HNMT: variants seen among roughly 807,000 people sequenced by gnomAD.
The protein encoded by HNMT is histamine N-methyltransferase.
A neutral mutation model predicts 32.1 loss-of-function variants in HNMT; 30 were observed. That is an observed-to-expected ratio of 0.93 (90% CI 0.70 to 1.27). The LOEUF is 1.27. Ranked by LOEUF, HNMT falls within the 50% of genes most tolerant of loss-of-function variation. The probability of loss-of-function intolerance (pLI) is 0.00; values close to 1 mark genes in which losing one functional copy is unlikely to be tolerated. For missense variants in HNMT, 327 were observed against 346.0 expected, an observed-to-expected ratio of 0.95 and a Z score of 0.43; for synonymous variants, 125 against 119.0, an observed-to-expected ratio of 1.05 and a Z score of -0.33.
intron 2 of HNMT, among the ~76,000 whole-genome samples, chr2:137,974,798 A>T (rs1006898844): frequency 6.6e-6 from 1 of 152,170 alleles, no homozygotes; most frequent in African/African-American, 2.4e-5. Context: ...TTATAGATAA[A>T]TTTTTTAACC....
In HNMT at chr2:138,008,105, C is replaced by A. The variant is rs992398402; in HGVS notation, c.523+2880C>A. The stretch of plus-strand genomic sequence containing the variant: ...ATCACCCAGGTATTAAACCCACTAC[C>A]CAATAATAATCTTTTCTGCTCCTCT... On this transcript the variant is annotated intron_variant, in intron 5 of 5. Transcript: ENST00000280097. Among the ~76,000 whole-genome samples the A allele has an allele frequency of 1.3e-4, 20 of 152,000 alleles. No individual in the cohort carries two copies. In the East Asian group the frequency reaches 2.7e-3, roughly 21 times the overall value.
intron 2 of HNMT, among the ~76,000 whole-genome samples, chr2:137,991,450 T>C (rs1680811880): frequency 6.6e-6 from 1 of 152,218 alleles, no homozygotes; most frequent in Non-Finnish European, 1.5e-5. Context: ...TCCTCTGAAA[T>C]GAGGTCTTAT....
intron 2 of HNMT, among the ~76,000 whole-genome samples, chr2:137,976,758 T>G (rs1229940062): frequency 6.6e-6 from 1 of 152,220 alleles, no homozygotes; most frequent in Non-Finnish European, 1.5e-5. Context: ...ATCATTTTAT[T>G]AAAGGCATTT....
At chr2:138,004,444 C>T (rs560459085) in intron 4 of HNMT, among the ~76,000 whole-genome samples, 1 of 152,048 alleles carries the variant, frequency 6.6e-6, no homozygotes, top group African/African-American at 2.4e-5. Context: ...GGGGTGGGGT[C>T]CAAAGATGCA....
At position 138,014,187 on chromosome 2, in the gene HNMT, T is replaced by G; in HGVS notation, c.*57T>G. ...TATTTTGAACAACTCGAATCACTCA[T>G]TTATTTCCATATTAAAATCACAAAC... On this transcript the variant is annotated 3_prime_UTR_variant, in exon 6 of 6. Coordinates refer to ENST00000280097, the MANE Select transcript of HNMT (RefSeq NM_006895.3). The G allele has an allele frequency of 9.0e-7, 1 of 1,105,870 alleles. No individual in the cohort carries two copies. The highest frequency in any genetic ancestry group is 1.3e-6 in the Non-Finnish European group (1 of 767,592). The allele number at this position is 1,105,870 out of a possible 1,614,324, so 68.5% of individuals were successfully genotyped here. A position where few individuals can be genotyped will look rare whatever the true frequency, so the allele number is the denominator to read the frequency against.
chr2:137,969,262 A>G (rs527937227), intron 1 of HNMT, among the ~76,000 whole-genome samples: 6 of 152,188 alleles, frequency 3.9e-5, no homozygotes, highest in Admixed American at 1.3e-4. Flanking sequence ...ATCACCATCC[A>G]CTACTACTAT....
intron 5 of HNMT, among the ~76,000 whole-genome samples, chr2:138,009,202 C>T (rs1296747240): frequency 6.6e-6 from 1 of 151,968 alleles, no homozygotes; most frequent in Non-Finnish European, 1.5e-5. Flanking sequence ...AATGAGATAC[C>T]ATCTCATACC....
chr2:138,013,907 A>G lies in HNMT; in HGVS notation c.656A>G (p.Asp219Gly). The G allele has an allele frequency of 6.2e-7, 1 of 1,613,744 alleles. No homozygotes were observed. The highest frequency in any genetic ancestry group is 8.5e-7 in the Non-Finnish European group (1 of 1,179,808). Reference sequence around the variant, plus strand: ...CTAGGGCTTAAGTATGAGTGCTATGACCTTTTGTCCACCATGGATATATCT... The same window carrying G: ...CTAGGGCTTAAGTATGAGTGCTATGGCCTTTTGTCCACCATGGATATATCT... ...DNLGLKYECY[D>G]LLSTMDISDC... The change falls in exon 6 of 6, where the codon GAC (aspartate) becomes GGC (glycine). Residue 219 changes from aspartate to glycine, a missense_variant. Transcript: ENST00000280097.
At chr2:138,012,963 G>A (rs1248612692) in intron 5 of HNMT, among the ~76,000 whole-genome samples, 2 of 151,688 alleles carry the variant, frequency 1.3e-5, no homozygotes, top group East Asian at 1.9e-4. Flanking sequence ...GCCCTTATGC[G>A]CCAGTACTCT....
At chr2:137,970,935 AAGAAAGAAAGAAAGAAAGAAAG>A (rs1200100914) in intron 2 of HNMT, among the ~76,000 whole-genome samples, 2 of 90,070 alleles carry the variant, frequency 2.2e-5, no homozygotes, top group Non-Finnish European at 4.1e-5. Flanking sequence ...AAAAAAAAAA[AAGAAAGAAAGAAAGAAAGAAAG>A]AAAGAAAGAA....
intron 3 of HNMT, among the ~76,000 whole-genome samples, 157 bp downstream of exon 3, chr2:138,001,182 A>G (rs1681159648): frequency 6.6e-6 from 1 of 152,180 alleles, no homozygotes; most frequent in African/African-American, 2.4e-5. Flanking sequence ...ATGACTAAAC[A>G]TCTCAAAATG....
At chr2:138,002,300 T>C (rs11569724) in intron 4 of HNMT, 106 bp downstream of exon 4, 6 of 1,116,480 alleles carry the variant, frequency 5.4e-6, no homozygotes, top group Admixed American at 8.2e-5. Flanking sequence ...GAAAATCTTC[T>C]GATTTCTAAT....
chr2:137,985,947 C>T (rs534525622), intron 2 of HNMT, among the ~76,000 whole-genome samples: 21 of 151,766 alleles, frequency 1.4e-4, no homozygotes, highest in African/African-American at 4.6e-4. Context: ...CCAGCCTGGG[C>T]GACAGAGCGA....
chr2:138,000,528 T>C lies in HNMT; in HGVS notation c.191-390T>C, dbSNP rs115071692. On this transcript the variant is annotated intron_variant, in intron 2 of 5. Transcript: ENST00000280097. ...AGTTCTGAGGTGCATTTTTTTTTCG[T>C]ATTTTAATACCTCTGATATTGTTAT... 8.5e-3 allele frequency among the ~76,000 whole-genome samples: 1,291 copies of C among 151,788 alleles called. 26 individuals are homozygous for C. Among genetic ancestry groups the C allele is most frequent in the African/African-American group, 0.03 (1,230 of 41,370 alleles).
At position 138,006,695 on chromosome 2, in the gene HNMT, A is replaced by G. The variant is rs546509429; in HGVS notation, c.523+1470A>G. The stretch of plus-strand genomic sequence containing the variant: ...TTTGAAGACCAAAATAAACCCAATG[A>G]AATGTGTTGTATGTTAATACATGGT... On this transcript the variant is annotated intron_variant, in intron 5 of 5. Coordinates refer to ENST00000280097, the MANE Select transcript of HNMT (RefSeq NM_006895.3). Among the ~76,000 whole-genome samples, 115 of 152,146 alleles carry G rather than the reference A, an allele frequency of 7.6e-4. 1 individual carries two copies. Among genetic ancestry groups the G allele is most frequent in the African/African-American group, 2.7e-3 (114 of 41,566 alleles).
At chr2:138,007,875 G>C (rs561948667) in intron 5 of HNMT, among the ~76,000 whole-genome samples, 2 of 151,842 alleles carry the variant, frequency 1.3e-5, no homozygotes, top group East Asian at 3.9e-4. Context: ...CCTTTCTCTT[G>C]CTCAATCTGG....
intron 1 of HNMT, among the ~76,000 whole-genome samples, chr2:137,968,476 C>T (rs1341261438): frequency 6.6e-6 from 1 of 152,086 alleles, no homozygotes; most frequent in Non-Finnish European, 1.5e-5. Flanking sequence ...ATCATTGAAT[C>T]CTCACAACTT....
chr2:137,984,963 C>A (rs984012569), intron 2 of HNMT, among the ~76,000 whole-genome samples: 1 of 152,002 alleles, frequency 6.6e-6, no homozygotes, highest in Non-Finnish European at 1.5e-5. Flanking sequence ...CTAGGGCTGG[C>A]ATGAGTTAAT....
chr2:137,981,305 A>G, intron 2 of HNMT: 1 of 1,613,486 alleles, frequency 6.2e-7, no homozygotes, highest in Non-Finnish European at 8.5e-7. Context: ...GCCAGGCATG[A>G]GGATCCATGA....
Sources: allele counts gnomAD v4.1 joint callset (sites outside exome capture counted in the v4.1 genomes callset), GRCh38; gene constraint gnomAD v4.1.1; transcripts MANE v1.5; gene names NCBI Gene and HGNC (gene_info 2026-07-23, HGNC 2026-07-21).